Variants in INPPL1 observed in about 807,000 individuals in gnomAD.
The protein encoded by INPPL1 is inositol polyphosphate phosphatase like 1.
In INPPL1, 91 loss-of-function variants were observed where a neutral mutation model predicts 139.3. The observed-to-expected ratio is 0.65, with a 90% CI of 0.55 to 0.78. The LOEUF is 0.78. Among genes scored for constraint, INPPL1 ranks in the 30% least tolerant of loss-of-function variants. The pLI, the probability that INPPL1 is intolerant of heterozygous loss-of-function variation, is 0.00. For synonymous variants in INPPL1, 719 were observed against 686.6 expected, an observed-to-expected ratio of 1.05 and a Z score of -0.74; for missense variants, 1,411 against 1,665.6, an observed-to-expected ratio of 0.85 and a Z score of 2.66.
chr11:72,231,485 ACTCTCTAC>A lies in INPPL1; in HGVS notation c.1498-11_1498-4del. ...TGCAGCAGGGCAGTGGTGACCATGC[ACTCTCTAC>A]CCAGATTGCCATGCAATCACTGTGG... On this transcript the variant is annotated splice_polypyrimidine_tract_variant and splice_region_variant and intron_variant, in intron 12 of 27. Transcript: ENST00000298229. 6.3e-7 allele frequency: 1 copy of A among 1,590,374 alleles called. No individual in the cohort carries two copies. Among genetic ancestry groups the A allele is most frequent in the Non-Finnish European group, 8.6e-7 (1 of 1,158,832 alleles).
Position 72,230,512 on chromosome 11 carries a change from C to T in INPPL1, c.1197+44C>T, listed in dbSNP as rs781494500. The T allele has an allele frequency of 1.9e-6, 3 of 1,567,158 alleles. No homozygotes were observed. The Admixed American group carries it at 5.0e-5, about 26-fold the overall frequency. On this transcript the variant is annotated intron_variant, in intron 10 of 27. Coordinates refer to ENST00000298229, the MANE Select transcript of INPPL1 (RefSeq NM_001567.4). Reference sequence around the variant, plus strand: ...CAGGCCACTGGGGACTGCGGGGGTCCCCCACATGGGTGCTTCCCATTGGAG... The same window carrying T: ...CAGGCCACTGGGGACTGCGGGGGTCTCCCACATGGGTGCTTCCCATTGGAG...
chr11:72,228,965 C>T lies in INPPL1; in HGVS notation c.518+118C>T. ...CCAGGGACCCCCACCCCACCTCAGCCCAGAGGCAGATAACCTGATCCATCC... is the reference window on the plus strand; with the variant it reads ...CCAGGGACCCCCACCCCACCTCAGCTCAGAGGCAGATAACCTGATCCATCC... On this transcript the variant is annotated intron_variant, in intron 4 of 27. Coordinates refer to ENST00000298229, the MANE Select transcript of INPPL1 (RefSeq NM_001567.4). The surrounding 1 kb of genome is among the most constrained non-coding windows in gnomAD (Gnocchi z 5.0). 6.6e-7 allele frequency: 1 copy of T among 1,522,440 alleles called. No individual in the cohort carries two copies. The highest frequency in any genetic ancestry group is 1.3e-5 in the South Asian group (1 of 77,114). The allele number at this position is 1,522,440 out of a possible 1,614,324, so 94.3% of individuals were successfully genotyped here.
Position 72,237,325 on chromosome 11 carries a change from GCAC to G in INPPL1, c.3086_3088del (p.His1029del). 1 of 1,613,960 alleles carries G rather than the reference GCAC, an allele frequency of 6.2e-7. No homozygotes were observed. The highest frequency in any genetic ancestry group is 8.5e-7 in the Non-Finnish European group (1 of 1,180,006). ...TTACAGTGCCTGCTCCACAGCTTGG[GCAC>G]CACCGGCACCCTCGTGTGGGAGAGG... On this transcript the variant is annotated inframe_deletion, in exon 26 of 28. Transcript: ENST00000298229.
chr11:72,227,617 C>T (rs1235571863), intron 1 of INPPL1, among the ~76,000 whole-genome samples: 1 of 152,188 alleles, frequency 6.6e-6, no homozygotes, highest in East Asian at 1.9e-4. Flanking sequence ...ACCCCTCTTG[C>T]CCCTCCTTGG....
In INPPL1 at chr11:72,235,801, A is replaced by G. The variant is rs760450941; in HGVS notation, c.2739-45A>G. 1.2e-6 allele frequency: 2 copies of G among 1,613,652 alleles called. No individual in the cohort carries two copies. The highest frequency in any genetic ancestry group is 2.2e-5 in the East Asian group (1 of 44,874). On this transcript the variant is annotated intron_variant, in intron 24 of 27. Coordinates refer to ENST00000298229, the MANE Select transcript of INPPL1 (RefSeq NM_001567.4). The surrounding 1 kb of genome is among the most constrained non-coding windows in gnomAD (Gnocchi z 4.9). ...GTCATATGAAAGGGTACCTGGGGGCATCTGGTCAACCCCACTTCATCTCTC... is the reference window on the plus strand; with the variant it reads ...GTCATATGAAAGGGTACCTGGGGGCGTCTGGTCAACCCCACTTCATCTCTC...
Position 72,233,198 on chromosome 11 carries a change from C to T in INPPL1, c.2040+35C>T, listed in dbSNP as rs714548. 26,970 of 1,574,762 alleles carry T rather than the reference C, an allele frequency of 0.017. 324 individuals carry two copies. The highest frequency in any genetic ancestry group is 0.056 in the East Asian group (2,502 of 44,328). On this transcript the variant is annotated intron_variant, in intron 17 of 27. Coordinates refer to ENST00000298229, the MANE Select transcript of INPPL1 (RefSeq NM_001567.4). ...GAAAACGGCATGGGCCTTGGGGGAC[C>T]GCAGGCCTGCGATGAATCAAGAATT...
At chr11:72,227,977 G>A (rs1369980017) in intron 1 of INPPL1, 13 of 570,154 alleles carry the variant, frequency 2.3e-5, no homozygotes, top group African/African-American at 5.6e-5. Context: ...GTGGGGAGAC[G>A]GGGGTGTTCT....
rs746365242 is a variant in INPPL1 at position 72,238,249 on chromosome 11, G to T, written c.3687-14G>T. 1 of 1,613,556 alleles carries T rather than the reference G, an allele frequency of 6.2e-7. No homozygotes were observed. The highest frequency in any genetic ancestry group is 2.2e-5 in the East Asian group (1 of 44,838). On this transcript the variant is annotated splice_polypyrimidine_tract_variant and intron_variant, in intron 27 of 27. Transcript: ENST00000298229. ...CCTTGCCCATCTCACTTCCCAGCCTGTTTTACTCCACAGTGACATCACCGA... is the reference window on the plus strand; with the variant it reads ...CCTTGCCCATCTCACTTCCCAGCCTTTTTTACTCCACAGTGACATCACCGA...
At chr11:72,236,043 T>G in intron 25 of INPPL1, 57 bp downstream of exon 25, 4 of 877,274 alleles carry the variant, frequency 4.6e-6, no homozygotes, top group Non-Finnish European at 6.8e-6. Flanking sequence ...TATCCATCAC[T>G]ATCCCCTGCA....
upstream of INPPL1, among the ~76,000 whole-genome samples, chr11:72,224,556 G>A (rs1218299388): frequency 6.6e-6 from 1 of 151,194 alleles, no homozygotes; most frequent in African/African-American, 2.4e-5. Context: ...TGGGGATTTG[G>A]GGACTGGATC....
At chr11:72,233,589 T>C in intron 18 of INPPL1, 66 bp from the exon 19 acceptor site, 1 of 1,606,636 alleles carries the variant, frequency 6.2e-7, no homozygotes, top group South Asian at 1.1e-5. Flanking sequence ...TGCCCTAACC[T>C]TGGGAGGTGG....
Position 72,224,874 on chromosome 11 carries a change from C to T in INPPL1, c.-111C>T, listed in dbSNP as rs1423129509. The T allele has an allele frequency of 2.6e-6, 2 of 756,068 alleles. No individual in the cohort carries two copies. The highest frequency in any genetic ancestry group is 3.8e-5 in the African/African-American group (2 of 52,864). 46.8% of individuals were successfully genotyped at this position (756,068 alleles called of 1,614,324 possible). On this transcript the variant is annotated 5_prime_UTR_variant, in exon 1 of 28. Coordinates refer to ENST00000298229, the MANE Select transcript of INPPL1 (RefSeq NM_001567.4). ...TCCCGATCCCCGGCTCTGTCCGGCC[C>T]ACGGATCCTCAAGCCCGGGCCCCGG...
In INPPL1 at chr11:72,237,202, C is replaced by CTACG. The variant is rs1949011591; in HGVS notation, c.2960_2963dup (p.Leu989ArgfsTer3). The CTACG allele has an allele frequency of 6.2e-7, 1 of 1,613,880 alleles. No individual in the cohort carries two copies. The highest frequency in any genetic ancestry group is 8.5e-7 in the Non-Finnish European group (1 of 1,180,000). On this transcript the variant is annotated frameshift_variant, in exon 26 of 28. Coordinates refer to ENST00000298229, the MANE Select transcript of INPPL1 (RefSeq NM_001567.4). LOFTEE classifies it high-confidence loss of function. ...AGAACAGCTTCAATAACCCTGCCTA[C>CTACG]TACGTCCTTGAAGGGGTCCCGCACC...
chr11:72,234,338 T>A lies in INPPL1; in HGVS notation c.2270T>A (p.Val757Glu). 1.2e-6 allele frequency: 2 copies of A among 1,614,170 alleles called. No individual in the cohort carries two copies. Among genetic ancestry groups the A allele is most frequent in the Non-Finnish European group, 1.7e-6 (2 of 1,180,036 alleles). The change falls in exon 20 of 28, where the codon GTG (valine) becomes GAG (glutamate). Residue 757 changes from valine (V) to glutamate (E), a missense_variant. Transcript: ENST00000298229. This position sits in a 1 kb window ranked among gnomAD's most constrained non-coding sequence, Gnocchi z 4.2. ...YIEFESIEAIVKTASRTKFFI... is the reference protein window; with the variant it reads ...YIEFESIEAIEKTASRTKFFI... Reference sequence around the variant, plus strand: ...GAGTTTGAGAGCATCGAGGCCATTGTGAAGACAGCCAGCCGCACCAAGTTC... The same window carrying A: ...GAGTTTGAGAGCATCGAGGCCATTGAGAAGACAGCCAGCCGCACCAAGTTC...
intron 17 of INPPL1, 59 bp from the exon 18 acceptor site, chr11:72,233,382 T>C (rs2135435433): frequency 6.9e-7 from 1 of 1,453,990 alleles, no homozygotes; most frequent in East Asian, 2.3e-5. Context: ...TGGAGTGGGG[T>C]CCATGCCAAG....
At position 72,238,433 on chromosome 11, in the gene INPPL1, T is replaced by G. The variant is rs1444060238; in HGVS notation, c.*80T>G. ...CAGCTATGGCCCCAGGGTTGAAAAG[T>G]TATGAGGGTCAGGGCAGTATCTCTC... On this transcript the variant is annotated 3_prime_UTR_variant, in exon 28 of 28. Transcript: ENST00000298229. The G allele has an allele frequency of 8.0e-7, 1 of 1,246,224 alleles. No individual in the cohort carries two copies. The highest frequency in any genetic ancestry group is 1.5e-5 in the African/African-American group (1 of 65,240). 77.2% of individuals were successfully genotyped at this position (1,246,224 alleles called of 1,614,324 possible). A position where few individuals can be genotyped will look rare whatever the true frequency, so the allele number is the denominator to read the frequency against.
chr11:72,233,268 T>C (rs1948888316), intron 17 of INPPL1, 105 bp downstream of exon 17: 4 of 1,130,292 alleles, frequency 3.5e-6, no homozygotes, highest in South Asian at 1.4e-5. Context: ...CCAGCCTCCA[T>C]GGCCCCTCTG....
At position 72,228,348 on chromosome 11, in the gene INPPL1, A is replaced by G. The variant is rs748491872; in HGVS notation, c.247A>G (p.Thr83Ala). 1.1e-5 allele frequency: 17 copies of G among 1,613,588 alleles called. 1 individual carries two copies. In the South Asian group the frequency reaches 1.6e-4, roughly 16 times the overall value. Residue 83 changes from threonine to alanine, a missense_variant and splice_region_variant, in exon 3 of 28, where the codon ACC becomes GCC. Coordinates refer to ENST00000298229, the MANE Select transcript of INPPL1 (RefSeq NM_001567.4). The surrounding 1 kb of genome is among the most constrained non-coding windows in gnomAD (Gnocchi z 5.0). ...PDGEDFLAVQ[T>A]SQGVPVRRFQ... ...TCCTCCCACCCTTGCTGGCCCACAG[A>G]CCTCGCAGGGTGTGCCTGTGCGCCG...
intron 5 of INPPL1, 40 bp from the exon 6 acceptor site, chr11:72,229,425 G>C: frequency 6.3e-7 from 1 of 1,586,760 alleles, no homozygotes; most frequent in Non-Finnish European, 8.7e-7. Context: ...CCTATACTTA[G>C]GTCGGGGTGG....
Sources: gnomAD v4.1 joint callset for allele counts (sites outside exome capture counted in the v4.1 genomes callset) on GRCh38, gnomAD v4.1.1 for gene constraint, Gnocchi (gnomAD v3.1) non-coding constraint, MANE v1.5 for transcripts, NCBI Gene and HGNC (gene_info 2026-07-23, HGNC 2026-07-21) for gene names.